Variants in RABGAP1L observed in about 807,000 individuals in gnomAD.
RABGAP1L encodes RAB GTPase activating protein 1 like.
A neutral mutation model predicts 137.7 loss-of-function variants in RABGAP1L; 63 were observed. The observed-to-expected ratio is 0.46, with a 90% CI of 0.37 to 0.56. The LOEUF (loss-of-function observed/expected upper bound fraction) is 0.56. Ranked by LOEUF, RABGAP1L falls within the 20% of genes least tolerant of loss-of-function variation. The probability of loss-of-function intolerance (pLI) is 0.00; values close to 1 mark genes in which losing one functional copy is unlikely to be tolerated. For synonymous variants in RABGAP1L, 431 were observed against 433.7 expected (o/e 0.99, Z 0.08); for missense variants, 1,095 against 1,244.0 (o/e 0.88, Z 1.80).
intron 19 of RABGAP1L, among the ~76,000 whole-genome samples, chr1:174,936,031 C>T (rs1558252925): frequency 6.9e-6 from 1 of 145,230 alleles, no homozygotes; most frequent in Non-Finnish European, 1.5e-5. Context: ...GATAAGCACA[C>T]TTGTTTTTGC....
At chr1:174,902,472 C>A (rs1449568225) in intron 19 of RABGAP1L, among the ~76,000 whole-genome samples, 1 of 152,160 alleles carries the variant, frequency 6.6e-6, no homozygotes, top group African/African-American at 2.4e-5. Context: ...GGATTCAGCT[C>A]CCTTCCTAGG....
rs570140459 is a variant in RABGAP1L at position 174,546,470 on chromosome 1, G to A, written c.1711-90905G>A. ...AAGCCAAAGTTTTAGTATAAACAAA[G>A]TTTAGATATTTGTTGTTCATATATT... On this transcript the variant is annotated intron_variant, in intron 13 of 25. Transcript: ENST00000681986. 3.8e-3 allele frequency among the ~76,000 whole-genome samples: 583 copies of A among 152,238 alleles called. 5 individuals are homozygous for A. Among genetic ancestry groups the A allele is most frequent in the African/African-American group, 0.012 (503 of 41,534 alleles).
chr1:174,619,588 C>A (rs1182251215), intron 13 of RABGAP1L, among the ~76,000 whole-genome samples: 1 of 152,154 alleles, frequency 6.6e-6, no homozygotes, highest in East Asian at 1.9e-4. Context: ...CAAGCAAATG[C>A]TGAGAGATTT....
intron 11 of RABGAP1L, among the ~76,000 whole-genome samples, chr1:174,357,490 C>T (rs540772649): frequency 2.0e-5 from 3 of 152,222 alleles, no homozygotes; most frequent in East Asian, 1.9e-4. Flanking sequence ...GATATAGTCC[C>T]AGCACTCAAA....
At chr1:174,619,302 C>A (rs949786252) in intron 13 of RABGAP1L, among the ~76,000 whole-genome samples, 1 of 152,172 alleles carries the variant, frequency 6.6e-6, no homozygotes, top group Non-Finnish European at 1.5e-5. Context: ...CACAAAGATA[C>A]TCCTCGAGAA....
chr1:174,686,326 ATTATCTGTT>A (rs1375492309), intron 15 of RABGAP1L, among the ~76,000 whole-genome samples: 1 of 151,940 alleles, frequency 6.6e-6, no homozygotes. Context: ...CTGTTACATT[ATTATCTGTT>A]TATGACAGTT....
chr1:174,773,617 A>C (rs1167056443), intron 18 of RABGAP1L, among the ~76,000 whole-genome samples: 2 of 152,244 alleles, frequency 1.3e-5, no homozygotes, highest in Non-Finnish European at 2.9e-5. Context: ...ATAGAAGCAG[A>C]GCCAGAGCAA....
intron 19 of RABGAP1L, among the ~76,000 whole-genome samples, chr1:174,813,119 A>G (rs1690046583): frequency 6.6e-6 from 1 of 152,174 alleles, no homozygotes; most frequent in South Asian, 2.1e-4. Context: ...TGAGGTTTTT[A>G]AAGGATCACA....
rs542758976 is a variant in RABGAP1L, at chr1:174,361,080, C to T, written c.1466-9899C>T. On this transcript the variant is annotated intron_variant, in intron 11 of 25. Transcript: ENST00000681986. ...GCTGAGGCAGGAGAATGGCATGAACCCGGGAGGCAGAGCTTGCAGTGAGCC... is the reference window on the plus strand; with the variant it reads ...GCTGAGGCAGGAGAATGGCATGAACTCGGGAGGCAGAGCTTGCAGTGAGCC... 3.9e-5 allele frequency among the ~76,000 whole-genome samples: 6 copies of T among 152,116 alleles called. No individual in the cohort carries two copies. In the South Asian group the frequency reaches 1.2e-3, roughly 32 times the overall value.
rs201237459 is a variant in RABGAP1L at position 174,944,282 on chromosome 1, A to AG, written c.2341-13175_2341-13174insG. On this transcript the variant is annotated intron_variant, in intron 19 of 25. Transcript: ENST00000681986. ...ACAGAACAAGACTGTCTCAAAAAAA[A>AG]AAAAAAAAAAAAAGCAAAGTTGTAT... Among the ~76,000 whole-genome samples the AG allele has an allele frequency of 6.2e-3, 932 of 150,138 alleles. 9 individuals are homozygous for AG. The highest frequency in any genetic ancestry group is 0.022 in the African/African-American group (891 of 40,212).
At chr1:174,936,094 A>G (rs543044466) in intron 19 of RABGAP1L, among the ~76,000 whole-genome samples, 3 of 152,248 alleles carry the variant, frequency 2.0e-5, no homozygotes, top group African/African-American at 4.8e-5. Flanking sequence ...ATATCCAGAA[A>G]AAAAGCCAAC....
chr1:174,541,767 C>A (rs1383278778), intron 13 of RABGAP1L, among the ~76,000 whole-genome samples: 1 of 151,298 alleles, frequency 6.6e-6, no homozygotes, highest in Non-Finnish European at 1.5e-5. Flanking sequence ...CAGCACGAGA[C>A]TCCGTCTCAA....
At chr1:174,909,256 C>T (rs1659660359) in intron 19 of RABGAP1L, among the ~76,000 whole-genome samples, 1 of 151,452 alleles carries the variant, frequency 6.6e-6, no homozygotes, top group Non-Finnish European at 1.5e-5. Flanking sequence ...GAAGGTCTTA[C>T]TCTGTCACCC....
intron 13 of RABGAP1L, among the ~76,000 whole-genome samples, chr1:174,486,229 T>C (rs1048630325): frequency 6.7e-6 from 1 of 149,556 alleles, no homozygotes; most frequent in Non-Finnish European, 1.5e-5. Flanking sequence ...TTTTCTTTTT[T>C]TTTTTTTTTT....
At chr1:174,534,775 CAAAAAAAAAAAAAAAAAAA>C (rs71117567) in intron 13 of RABGAP1L, among the ~76,000 whole-genome samples, 1 of 71,612 alleles carries the variant, frequency 1.4e-5, no homozygotes, top group Non-Finnish European at 2.9e-5. Flanking sequence ...ACTCTGTCTC[CAAAAAAAAAAAAAAAAAAA>C]AAAAAAAAAA....
intron 1 of RABGAP1L, among the ~76,000 whole-genome samples, chr1:174,185,040 CTTG>C (rs1288686355): frequency 1.3e-5 from 2 of 152,118 alleles, no homozygotes; most frequent in African/African-American, 4.8e-5. Context: ...CCCTGCCTAA[CTTG>C]TTGTTTGCTC....
chr1:174,972,964 G>A (rs1029145784), intron 21 of RABGAP1L, among the ~76,000 whole-genome samples: 2 of 151,548 alleles, frequency 1.3e-5, no homozygotes, highest in Non-Finnish European at 2.9e-5. Context: ...TTTGTGTTTA[G>A]CATTTCATTC....
chr1:174,547,673 G>A (rs1249677445), intron 13 of RABGAP1L, among the ~76,000 whole-genome samples: 1 of 152,124 alleles, frequency 6.6e-6, no homozygotes, highest in African/African-American at 2.4e-5. Flanking sequence ...TTCTTTAAAT[G>A]TGTGTAAATT....
Position 174,946,916 on chromosome 1 carries a change from A to AT in RABGAP1L, c.2341-10541_2341-10540insT, listed in dbSNP as rs1558267263. Among the ~76,000 whole-genome samples the AT allele has an allele frequency of 4.4e-3, 221 of 49,952 alleles. 3 individuals carry two copies. The highest frequency in any genetic ancestry group is 6.1e-3 in the Non-Finnish European group (178 of 29,300). The allele number at this position is 49,952 out of a possible 152,430, so 32.8% of individuals were successfully genotyped here. ...ACTCCATCTCAAAAAAAAAAAAAAA[A>AT]AATATATATATATATATATATATAT... On this transcript the variant is annotated intron_variant, in intron 19 of 25. Coordinates refer to ENST00000681986, the MANE Select transcript of RABGAP1L (RefSeq NM_001366446.1).
Sources: gnomAD v4.1 joint callset for allele counts (sites outside exome capture counted in the v4.1 genomes callset) on GRCh38, gnomAD v4.1.1 for gene constraint, MANE v1.5 for transcripts, NCBI Gene and HGNC (gene_info 2026-07-23, HGNC 2026-07-21) for gene names.